Variants in ABR observed in about 807,000 individuals in gnomAD.
ABR encodes the protein ABR activator of RhoGEF and GTPase.
A neutral mutation model predicts 107.2 loss-of-function variants in ABR; 35 were observed. That is an observed-to-expected ratio of 0.33 (90% confidence interval 0.25 to 0.43). The LOEUF (loss-of-function observed/expected upper bound fraction) is 0.43, where lower values mean the gene tolerates loss of function less well. Ranked by LOEUF, ABR falls within the 20% of genes least tolerant of loss-of-function variation. The pLI is 1.00. For synonymous variants in ABR, 498 were observed against 462.0 expected (o/e 1.08, Z -1.00); for missense variants, 815 against 1,115.2 (o/e 0.73, Z 3.83).
chr17:1,228,061 G>A (rs2043255217), intron 1 of ABR: 2 of 152,226 alleles, frequency 1.3e-5, no homozygotes, highest in Non-Finnish European at 2.9e-5. Flanking sequence ...TAATCTTTCT[G>A]AGCTTCGGTT....
intron 4 of ABR, among the ~76,000 whole-genome samples, chr17:1,090,184 A>T (rs1201033588): frequency 1.3e-5 from 2 of 152,168 alleles, no homozygotes; most frequent in African/African-American, 4.8e-5. Flanking sequence ...AGAGTTAAGA[A>T]AGTGCCTGCC....
At position 1,156,760 on chromosome 17, in the gene ABR, C is replaced by G. The variant is rs149696179; in HGVS notation, c.61+22907G>C. The stretch of plus-strand genomic sequence containing the variant: ...CAATTACTTGGTGAATAGTGAGTTC[C>G]ACTACTATCCCCATTTCATAGAGGA... On this transcript the variant is annotated intron_variant, in intron 1 of 22. Transcript: ENST00000302538. Among the ~76,000 whole-genome samples, 121 of 152,230 alleles carry G rather than the reference C, an allele frequency of 7.9e-4. 1 individual carries two copies. The highest frequency in any genetic ancestry group is 2.9e-3 in the African/African-American group (119 of 41,536).
At chr17:1,064,427 G>C (rs868149548) in intron 10 of ABR, among the ~76,000 whole-genome samples, 5 of 128,086 alleles carry the variant, frequency 3.9e-5, no homozygotes, top group African/African-American at 1.4e-4. Flanking sequence ...TGTGAACTGA[G>C]GGCTATGCAT....
At chr17:1,054,362 C>T (rs920828560) in intron 14 of ABR, among the ~76,000 whole-genome samples, 4 of 152,174 alleles carry the variant, frequency 2.6e-5, no homozygotes, top group African/African-American at 9.6e-5. Flanking sequence ...ACCTGGTTCC[C>T]GCCCTCAGAG....
chr17:1,083,032 GAGA>G (rs1441536519), intron 5 of ABR, among the ~76,000 whole-genome samples: 1 of 150,920 alleles, frequency 6.6e-6, no homozygotes, highest in African/African-American at 2.4e-5. Context: ...GCTGAGGCAG[GAGA>G]ATCACTTGAA....
At chr17:1,227,366 C>G (rs890491026) in intron 1 of ABR, among the ~76,000 whole-genome samples, 1 of 152,124 alleles carries the variant, frequency 6.6e-6, no homozygotes, top group Middle Eastern at 3.2e-3. Flanking sequence ...TAGCCTCCAC[C>G]AAGGGCATTT....
chr17:1,123,756 T>C lies in ABR; in HGVS notation c.246+1427A>G, dbSNP rs77048183. Reference sequence around the variant, plus strand: ...AAGGCAGAGATGGGAGCGAGAGTCTTCTCCTCCTTGCTCTCCCCTGGTTGG... The same window carrying C: ...AAGGCAGAGATGGGAGCGAGAGTCTCCTCCTCCTTGCTCTCCCCTGGTTGG... On this transcript the variant is annotated intron_variant, in intron 2 of 22. Coordinates refer to ENST00000302538, the MANE Select transcript of ABR (RefSeq NM_021962.5). Among the ~76,000 whole-genome samples the C allele has an allele frequency of 4.2e-3, 638 of 152,092 alleles. 21 individuals are homozygous for C. The highest frequency in any genetic ancestry group is 0.037 in the Admixed American group (569 of 15,280).
At chr17:1,209,865 T>C (rs2150737687) in intron 1 of ABR, among the ~76,000 whole-genome samples, 1 of 152,338 alleles carries the variant, frequency 6.6e-6, no homozygotes, top group Non-Finnish European at 1.5e-5. Context: ...TTTTAAGCAC[T>C]GGAAAAAGTT....
intron 1 of ABR, among the ~76,000 whole-genome samples, chr17:1,225,225 C>T (rs1162922129): frequency 6.6e-6 from 1 of 151,930 alleles, no homozygotes; most frequent in Non-Finnish European, 1.5e-5. Flanking sequence ...CTCAAATTCC[C>T]AGCCTCAAGC....
At chr17:1,169,492 A>G (rs2041629471) in intron 1 of ABR, among the ~76,000 whole-genome samples, 1 of 152,186 alleles carries the variant, frequency 6.6e-6, no homozygotes, top group South Asian at 2.1e-4. Flanking sequence ...CAGAATCCAG[A>G]GCTACAGAAG....
intron 3 of ABR, among the ~76,000 whole-genome samples, chr17:1,096,655 G>A (rs1014645009): frequency 6.6e-6 from 1 of 152,170 alleles, no homozygotes; most frequent in African/African-American, 2.4e-5. Flanking sequence ...GCCAAGCAGG[G>A]GCCCAGGAGG....
chr17:1,044,061 G>A (rs2031140759), intron 16 of ABR, among the ~76,000 whole-genome samples: 1 of 152,240 alleles, frequency 6.6e-6, no homozygotes, highest in Non-Finnish European at 1.5e-5. Flanking sequence ...GCCGGACCCT[G>A]GGAATATGCT....
In ABR at chr17:1,051,213, C is replaced by A. The variant is rs1009568386; in HGVS notation, c.1562-579G>T. ...CAGGGTGCTGTGGTTTCCTCCGCTG[C>A]ACTTAACATAAACCAAAGGGATCTT... On this transcript the variant is annotated intron_variant, in intron 14 of 22. Coordinates refer to ENST00000302538, the MANE Select transcript of ABR (RefSeq NM_021962.5). This position sits in a 1 kb window ranked among gnomAD's most constrained non-coding sequence, Gnocchi z 4.3. Among the ~76,000 whole-genome samples the A allele has an allele frequency of 6.6e-6, 1 of 152,166 alleles. No individual in the cohort carries two copies. Among genetic ancestry groups the A allele is most frequent in the African/African-American group, 2.4e-5 (1 of 41,428 alleles).
intron 1 of ABR, among the ~76,000 whole-genome samples, chr17:1,160,213 C>T (rs1357471461): frequency 6.6e-6 from 1 of 151,800 alleles, no homozygotes; most frequent in East Asian, 1.9e-4. Context: ...GAGATTACAC[C>T]ACTGCACTCC....
At chr17:1,098,825 GC>G (rs2037668317) in intron 3 of ABR, among the ~76,000 whole-genome samples, 2 of 152,186 alleles carry the variant, frequency 1.3e-5, no homozygotes, top group Non-Finnish European at 2.9e-5. Context: ...CACTCTTGTT[GC>G]CCCGGCTGGA....
chr17:1,023,703 G>A (rs986947115), intron 16 of ABR, among the ~76,000 whole-genome samples: 1 of 152,214 alleles, frequency 6.6e-6, no homozygotes, highest in African/African-American at 2.4e-5. Context: ...GGGCTCTGAA[G>A]CCTCGAGCTG....
chr17:1,013,674 C>A (rs2070860717), intron 16 of ABR, among the ~76,000 whole-genome samples: 1 of 152,236 alleles, frequency 6.6e-6, no homozygotes, highest in Non-Finnish European at 1.5e-5. Flanking sequence ...TGAATCCTGG[C>A]AAGTTTTAAA....
chr17:1,180,788 C>T (rs2042109088), upstream of ABR, among the ~76,000 whole-genome samples: 1 of 152,226 alleles, frequency 6.6e-6, no homozygotes, highest in Non-Finnish European at 1.5e-5. Flanking sequence ...CGCCCAAGGG[C>T]AGTGAAGAGA....
intron 1 of ABR, among the ~76,000 whole-genome samples, chr17:1,165,991 C>T (rs1319559643): frequency 4.6e-5 from 7 of 151,220 alleles, no homozygotes; most frequent in African/African-American, 7.3e-5. Context: ...CCGGAGTGTC[C>T]GCACCCACCC....
Sources: allele counts gnomAD v4.1 joint callset (sites outside exome capture counted in the v4.1 genomes callset), GRCh38; gene constraint gnomAD v4.1.1; non-coding constraint Gnocchi (gnomAD v3.1); transcripts MANE v1.5; gene names NCBI Gene and HGNC (gene_info 2026-07-23, HGNC 2026-07-21).